Variants in IPMK observed in about 807,000 individuals in gnomAD.
IPMK encodes the protein inositol polyphosphate multikinase.
Under a neutral mutation model 45.8 loss-of-function variants are expected in IPMK, and 17 were observed. The observed-to-expected ratio is 0.37, with a 90% confidence interval of 0.25 to 0.56. IPMK has a LOEUF of 0.56. IPMK is among the 20% of genes least tolerant of loss of function. The pLI is 0.79. For synonymous variants in IPMK, 180 were observed against 184.3 expected (o/e 0.98, Z 0.19); for missense variants, 399 against 498.0 (o/e 0.80, Z 1.89).
Position 58,196,413 on chromosome 10 carries a change from T to C in IPMK, c.914A>G (p.Lys305Arg), listed in dbSNP as rs754291508. The C allele has an allele frequency of 6.2e-7, 1 of 1,614,146 alleles. No individual in the cohort carries two copies. The highest frequency in any genetic ancestry group is 8.5e-7 in the Non-Finnish European group (1 of 1,180,028). ...FHVLSSTANG[K>R]IESSVGKSLS... ...GCTTTTGCCCACTGAAGACTCTATT[T>C]TTCCATTAGCTGTGGAACTTAACAC... The change falls in exon 6 of 6, where the codon AAA becomes AGA. Residue 305 changes from lysine (K) to arginine (R), a missense_variant. Transcript: ENST00000373935.
intron 2 of IPMK, among the ~76,000 whole-genome samples, chr10:58,234,294 C>T (rs904275541): frequency 6.6e-6 from 1 of 152,152 alleles, no homozygotes; most frequent in African/African-American, 2.4e-5. Context: ...TGACTTTCTT[C>T]ACAGAATTGG....
chr10:58,197,117 A>G (rs1769043), intron 5 of IPMK, among the ~76,000 whole-genome samples: 72,661 of 147,088 alleles, frequency 0.49, 19,850 homozygotes, highest in African/African-American at 0.76. Context: ...TGGCTAACAC[A>G]GTGAAACCCC....
At chr10:58,221,016 T>C (rs1404249036) in intron 3 of IPMK, among the ~76,000 whole-genome samples, 1 of 152,182 alleles carries the variant, frequency 6.6e-6, no homozygotes, top group Non-Finnish European at 1.5e-5. Flanking sequence ...GAGACAAGCA[T>C]AATACACACA....
In IPMK at chr10:58,221,377, A is replaced by T. The variant is rs201484431; in HGVS notation, c.374-5060T>A. Among the ~76,000 whole-genome samples the T allele has an allele frequency of 5.3e-4, 80 of 149,536 alleles. 1 individual carries two copies. The East Asian group carries it at 8.6e-3, about 16-fold the overall frequency. On this transcript the variant is annotated intron_variant, in intron 3 of 5. Transcript: ENST00000373935. Reference sequence around the variant, plus strand: ...TCAGCTTGCCTATTTTTTTTTTTTTAAATTCTGAAGAAAAAGCTACAGATT... The same window carrying T: ...TCAGCTTGCCTATTTTTTTTTTTTTTAATTCTGAAGAAAAAGCTACAGATT...
chr10:58,204,978 G>A (rs1465256799), intron 4 of IPMK, among the ~76,000 whole-genome samples: 1 of 151,996 alleles, frequency 6.6e-6, no homozygotes, highest in Non-Finnish European at 1.5e-5. Flanking sequence ...TATTCACTGG[G>A]GGAATAACAG....
chr10:58,228,362 G>T (rs926978052), intron 2 of IPMK, among the ~76,000 whole-genome samples: 1 of 152,100 alleles, frequency 6.6e-6, no homozygotes, highest in Non-Finnish European at 1.5e-5. Flanking sequence ...CTCTGTAAAG[G>T]CACAGAAAAA....
At chr10:58,223,721 C>T (rs941571956) in intron 3 of IPMK, among the ~76,000 whole-genome samples, 2 of 152,138 alleles carry the variant, frequency 1.3e-5, no homozygotes, top group African/African-American at 4.8e-5. Flanking sequence ...ATTGGAATCC[C>T]CATGTGCTGA....
chr10:58,211,917 A>AAAAAAAAAAAAAAAAAAAAAAAAAAC, intron 4 of IPMK, among the ~76,000 whole-genome samples: 1 of 151,208 alleles, frequency 6.6e-6, no homozygotes, highest in Admixed American at 6.6e-5. Flanking sequence ...AAAAAAAAAA[A>AAAAAAAAAAAAAAAAAAAAAAAAAAC]AAAAAAAATT....
chr10:58,243,395 G>A (rs1054282406), intron 1 of IPMK, among the ~76,000 whole-genome samples: 6 of 152,174 alleles, frequency 3.9e-5, no homozygotes, highest in African/African-American at 1.2e-4. Flanking sequence ...CTCTTTCTAC[G>A]GTCTCCCTCT....
intron 4 of IPMK, among the ~76,000 whole-genome samples, chr10:58,213,679 C>G (rs1373967405): frequency 6.7e-6 from 1 of 149,774 alleles, no homozygotes; most frequent in East Asian, 1.9e-4. Flanking sequence ...GAGCGAGACT[C>G]CGTCTCAAAA....
intron 5 of IPMK, 27 bp downstream of exon 5, chr10:58,199,213 T>A: frequency 7.0e-7 from 1 of 1,422,942 alleles, no homozygotes; most frequent in Non-Finnish European, 9.8e-7. Context: ...TGTTCAATCA[T>A]AAAAGCATTA....
At chr10:58,242,694 G>A (rs1447456824) in intron 1 of IPMK, among the ~76,000 whole-genome samples, 1 of 152,010 alleles carries the variant, frequency 6.6e-6, no homozygotes, top group Non-Finnish European at 1.5e-5. Context: ...TAAAAAGGAA[G>A]GAGAAATCAG....
At chr10:58,218,406 T>A (rs1032303866) in intron 3 of IPMK, among the ~76,000 whole-genome samples, 2 of 152,124 alleles carry the variant, frequency 1.3e-5, no homozygotes. Context: ...ACCTTCAGAT[T>A]TTCTCCTCCC....
chr10:58,242,295 A>G (rs1464743990), intron 1 of IPMK, among the ~76,000 whole-genome samples: 3 of 152,050 alleles, frequency 2.0e-5, no homozygotes, highest in Non-Finnish European at 4.4e-5. Context: ...ATCTCTACTA[A>G]AAATACATAA....
chr10:58,232,402 T>A lies in IPMK; in HGVS notation c.277-5263A>T, dbSNP rs376889665. 5.3e-5 allele frequency among the ~76,000 whole-genome samples: 8 copies of A among 152,230 alleles called. No individual in the cohort carries two copies. In the East Asian group the frequency reaches 1.2e-3, roughly 22 times the overall value. On this transcript the variant is annotated intron_variant, in intron 2 of 5. Transcript: ENST00000373935. ...TACATTCTTCTCAGCACATCACACT[T>A]ATTCTAAAATTGACCACATAATTGG...
At chr10:58,215,593 A>G (rs1208586442) in intron 4 of IPMK, among the ~76,000 whole-genome samples, 6 of 151,946 alleles carry the variant, frequency 3.9e-5, no homozygotes. Flanking sequence ...GCATTTTTGT[A>G]GAGATGGGGT....
At chr10:58,255,506 A>AT (rs1231074198) in intron 1 of IPMK, among the ~76,000 whole-genome samples, 2 of 152,000 alleles carry the variant, frequency 1.3e-5, no homozygotes, top group African/African-American at 4.8e-5. Context: ...GATTTCTCTG[A>AT]TTCTCCCCTG....
At chr10:58,251,677 C>A (rs1037870671) in intron 1 of IPMK, among the ~76,000 whole-genome samples, 2 of 152,158 alleles carry the variant, frequency 1.3e-5, no homozygotes, top group Non-Finnish European at 2.9e-5. Context: ...AGTACATACA[C>A]ATTTACAATT....
At chr10:58,224,198 A>G (rs1028759880) in intron 3 of IPMK, among the ~76,000 whole-genome samples, 2 of 152,212 alleles carry the variant, frequency 1.3e-5, no homozygotes, top group Admixed American at 6.5e-5. Flanking sequence ...CTCCTGCAAC[A>G]TGACTAGTAG....
Sources: gnomAD v4.1 joint callset for allele counts (sites outside exome capture counted in the v4.1 genomes callset) on GRCh38, gnomAD v4.1.1 for gene constraint, MANE v1.5 for transcripts, NCBI Gene and HGNC (gene_info 2026-07-23, HGNC 2026-07-21) for gene names.